The following KCNQ5 variants were observed in gnomAD, a reference collection of about 807,000 sequenced individuals.
The protein encoded by KCNQ5 is potassium voltage-gated channel subfamily Q member 5.
In KCNQ5, 30 loss-of-function variants were observed where a neutral mutation model predicts 98.2. The ratio of observed to expected loss-of-function variants is 0.31; its 90% CI spans 0.23 to 0.41. The LOEUF is 0.41. Ranked by LOEUF, KCNQ5 falls within the 10% of genes least tolerant of loss-of-function variation. The probability of loss-of-function intolerance (pLI) is 1.00; values close to 1 mark genes in which losing one functional copy is unlikely to be tolerated. For synonymous variants in KCNQ5, 458 were observed against 449.4 expected (o/e 1.02, Z -0.24); for missense variants, 835 against 1,182.5 (o/e 0.71, Z 4.31).
At chr6:73,016,854 C>G (rs1267155873) in intron 2 of KCNQ5, among the ~76,000 whole-genome samples, 2 of 152,116 alleles carry the variant, frequency 1.3e-5, no homozygotes, top group African/African-American at 2.4e-5. Context: ...TGCAGGTTAC[C>G]TGCCTCCTGC....
chr6:73,030,575 A>G (rs541775943), intron 2 of KCNQ5, among the ~76,000 whole-genome samples: 7 of 152,364 alleles, frequency 4.6e-5, no homozygotes, highest in Non-Finnish European at 7.3e-5. Flanking sequence ...GTGCTTATAA[A>G]GGAAAATAAT....
At chr6:73,027,039 T>G (rs976287394) in intron 2 of KCNQ5, among the ~76,000 whole-genome samples, 2 of 152,170 alleles carry the variant, frequency 1.3e-5, no homozygotes, top group Non-Finnish European at 2.9e-5. Context: ...TGTTTGACAT[T>G]GACCCATTGA....
At chr6:73,007,739 A>T (rs2150326486) in intron 2 of KCNQ5, among the ~76,000 whole-genome samples, 1 of 152,280 alleles carries the variant, frequency 6.6e-6, no homozygotes, top group African/African-American at 2.4e-5. Context: ...AATATCAGAA[A>T]TCTGACCTCG....
intron 1 of KCNQ5, among the ~76,000 whole-genome samples, chr6:72,836,898 A>G (rs1177782443): frequency 6.6e-6 from 1 of 152,128 alleles, no homozygotes; most frequent in African/African-American, 2.4e-5. Flanking sequence ...ATGCATAGCA[A>G]TTTGTAAATA....
chr6:72,849,791 C>G (rs1777171813), intron 1 of KCNQ5, among the ~76,000 whole-genome samples: 1 of 152,144 alleles, frequency 6.6e-6, no homozygotes, highest in African/African-American at 2.4e-5. Flanking sequence ...CCTGTCAGGT[C>G]TTGATCCTAT....
intron 1 of KCNQ5, among the ~76,000 whole-genome samples, chr6:72,686,725 T>A (rs1042510578): frequency 2.7e-4 from 40 of 150,846 alleles, no homozygotes; most frequent in Non-Finnish European, 5.3e-4. Flanking sequence ...TTGTTTTTTT[T>A]TTTTTTTTTT....
intron 10 of KCNQ5, among the ~76,000 whole-genome samples, chr6:73,167,971 G>A (rs910577703): frequency 7.2e-5 from 11 of 152,098 alleles, no homozygotes; most frequent in Non-Finnish European, 1.6e-4. Context: ...ATGAATACAG[G>A]AAGACAAATT....
chr6:73,110,831 A>G (rs1008617853), intron 6 of KCNQ5, among the ~76,000 whole-genome samples: 2 of 152,200 alleles, frequency 1.3e-5, no homozygotes, highest in Non-Finnish European at 1.5e-5. Flanking sequence ...TCAAAGTGCT[A>G]GAAGTATTCC....
intron 1 of KCNQ5, among the ~76,000 whole-genome samples, chr6:72,842,490 A>G (rs1388748020): frequency 6.6e-6 from 1 of 152,194 alleles, no homozygotes; most frequent in Non-Finnish European, 1.5e-5. Flanking sequence ...TCAGGTCACA[A>G]TGTAGTTTAT....
At chr6:72,777,140 G>C (rs892582029) in intron 1 of KCNQ5, among the ~76,000 whole-genome samples, 1 of 152,202 alleles carries the variant, frequency 6.6e-6, no homozygotes. Flanking sequence ...AGAGGATTTT[G>C]TGCCATTTAA....
chr6:72,771,155 C>G (rs1315778100), intron 1 of KCNQ5, among the ~76,000 whole-genome samples: 3 of 151,966 alleles, frequency 2.0e-5, no homozygotes, highest in African/African-American at 4.8e-5. Context: ...TTGCTGTGTG[C>G]ATGCAGATTT....
intron 1 of KCNQ5, among the ~76,000 whole-genome samples, chr6:72,942,749 A>G (rs908542022): frequency 1.3e-5 from 2 of 152,202 alleles, no homozygotes; most frequent in Admixed American, 1.3e-4. Context: ...CGGTAGGGGC[A>G]GTGTCTAAAC....
intron 1 of KCNQ5, among the ~76,000 whole-genome samples, chr6:72,683,327 T>A (rs1165497291): frequency 1.3e-5 from 2 of 150,582 alleles, no homozygotes; most frequent in Non-Finnish European, 3.0e-5. Context: ...TGGTCTTTGG[T>A]GGGAGCTTGA....
chr6:73,057,134 A>G (rs1440797590), intron 3 of KCNQ5, among the ~76,000 whole-genome samples: 1 of 152,212 alleles, frequency 6.6e-6, no homozygotes, highest in Admixed American at 6.5e-5. Context: ...TACACCATGG[A>G]ATACTATGCA....
At position 72,741,950 on chromosome 6, in the gene KCNQ5, G is replaced by T. The variant is rs147478393; in HGVS notation, c.398+119363G>T. Among the ~76,000 whole-genome samples, 20 of 152,258 alleles carry T rather than the reference G, an allele frequency of 1.3e-4. No individual in the cohort carries two copies. The East Asian group carries it at 3.9e-3, about 29-fold the overall frequency. On this transcript the variant is annotated intron_variant, in intron 1 of 13. Transcript: ENST00000370398. ...TAATCTTCTGTTTTAAGTTTTAGGGGTCACTTAATACCAGATGGTTAAGTA... is the reference window on the plus strand; with the variant it reads ...TAATCTTCTGTTTTAAGTTTTAGGGTTCACTTAATACCAGATGGTTAAGTA...
At chr6:72,913,625 C>G (rs1040840607) in intron 1 of KCNQ5, among the ~76,000 whole-genome samples, 2 of 152,118 alleles carry the variant, frequency 1.3e-5, no homozygotes, top group African/African-American at 4.8e-5. Context: ...TTTTCTTAAC[C>G]AACAGTTGTG....
intron 3 of KCNQ5, among the ~76,000 whole-genome samples, chr6:73,046,942 C>T (rs1421679858): frequency 1.3e-5 from 2 of 152,114 alleles, no homozygotes; most frequent in Non-Finnish European, 2.9e-5. Context: ...CACGCCTGGC[C>T]TTTATAATGT....
At chr6:72,862,181 T>G (rs1488943262) in intron 1 of KCNQ5, among the ~76,000 whole-genome samples, 8 of 152,212 alleles carry the variant, frequency 5.3e-5, no homozygotes, top group African/African-American at 1.9e-4. Flanking sequence ...GGTTGTCACC[T>G]GGATCCAGTC....
At chr6:72,972,721 C>T (rs1191721986) in intron 1 of KCNQ5, among the ~76,000 whole-genome samples, 1 of 152,124 alleles carries the variant, frequency 6.6e-6, no homozygotes, top group African/African-American at 2.4e-5. Context: ...TGGTGGTTAA[C>T]ACAAGTGCCT....
Sources: gnomAD v4.1 joint callset for allele counts (sites outside exome capture counted in the v4.1 genomes callset) on GRCh38, gnomAD v4.1.1 for gene constraint, MANE v1.5 for transcripts, NCBI Gene and HGNC (gene_info 2026-07-23, HGNC 2026-07-21) for gene names.